The following CALCRL variants were observed in gnomAD, a reference collection of about 807,000 sequenced individuals.
CALCRL encodes the protein calcitonin receptor like receptor, also known as calcitonin gene-related peptide type 1 receptor.
In CALCRL, 27 loss-of-function variants were observed where a neutral mutation model predicts 60.4. The ratio of observed to expected loss-of-function variants is 0.45; its 90% CI spans 0.33 to 0.62. The LOEUF (loss-of-function observed/expected upper bound fraction) is 0.62, where lower values mean the gene tolerates loss of function less well. Among genes scored for constraint, CALCRL ranks in the 20% least tolerant of loss-of-function variants. The pLI is 0.03. For missense variants in CALCRL, 424 were observed against 540.7 expected, an observed-to-expected ratio of 0.78 and a Z score of 2.14; for synonymous variants, 190 against 182.6, an observed-to-expected ratio of 1.04 and a Z score of -0.33.
rs1026052599 is a variant in CALCRL at position 187,420,004 on chromosome 2, C to T, written c.-293+28035G>A. Among the ~76,000 whole-genome samples, 6 of 152,238 alleles carry T rather than the reference C, an allele frequency of 3.9e-5. 1 individual carries two copies. The South Asian group carries it at 1.2e-3, about 32-fold the overall frequency. Reference sequence around the variant, plus strand: ...CTGTTTGCCCTACTAATAATTCAACCCCTAGTTGCTATTGTCACATTGAAC... The same window carrying T: ...CTGTTTGCCCTACTAATAATTCAACTCCTAGTTGCTATTGTCACATTGAAC... On this transcript the variant is annotated intron_variant, in intron 1 of 14. Transcript: ENST00000392370.
chr2:187,412,955 C>T lies in CALCRL; in HGVS notation c.-292-25199G>A, dbSNP rs117503722. Among the ~76,000 whole-genome samples, 85 of 152,264 alleles carry T rather than the reference C, an allele frequency of 5.6e-4. No individual in the cohort carries two copies. The East Asian group carries it at 0.016, about 28-fold the overall frequency. On this transcript the variant is annotated intron_variant, in intron 1 of 14. Coordinates refer to ENST00000392370, the MANE Select transcript of CALCRL (RefSeq NM_005795.6). Reference sequence around the variant, plus strand: ...GTTGATTGTTTTCTCTCAACTAGTACTATTAGAGTTGCTATGGATCATAAA... The same window carrying T: ...GTTGATTGTTTTCTCTCAACTAGTATTATTAGAGTTGCTATGGATCATAAA...
At chr2:187,357,405 A>G (rs1686842720) in intron 12 of CALCRL, among the ~76,000 whole-genome samples, 1 of 151,300 alleles carries the variant, frequency 6.6e-6, no homozygotes, top group African/African-American at 2.4e-5. Flanking sequence ...ACACAGGAAC[A>G]GAAAACCAAT....
chr2:187,391,095 C>T (rs1688422278), intron 1 of CALCRL, among the ~76,000 whole-genome samples: 1 of 152,116 alleles, frequency 6.6e-6, no homozygotes, highest in Non-Finnish European at 1.5e-5. Flanking sequence ...TGAAAGTCAA[C>T]TTAGATAGAC....
At chr2:187,404,992 C>A (rs1026737928) in intron 1 of CALCRL, among the ~76,000 whole-genome samples, 2 of 151,944 alleles carry the variant, frequency 1.3e-5, no homozygotes, top group African/African-American at 4.8e-5. Context: ...GTTTGGATAC[C>A]AGCTGTGGAA....
At chr2:187,383,331 T>A in intron 4 of CALCRL, 26 bp from the exon 5 acceptor site, 1 of 1,567,980 alleles carries the variant, frequency 6.4e-7, no homozygotes, top group Non-Finnish European at 8.6e-7. Context: ...AACAACAACA[T>A]CAACTTCATG....
chr2:187,389,921 C>T (rs981583120), intron 1 of CALCRL, among the ~76,000 whole-genome samples: 1 of 152,048 alleles, frequency 6.6e-6, no homozygotes, highest in African/African-American at 2.4e-5. Flanking sequence ...TCCTTTGTGA[C>T]TGACAGTTAA....
intron 7 of CALCRL, among the ~76,000 whole-genome samples, 193 bp downstream of exon 7, chr2:187,380,274 T>G (rs1005966686): frequency 2.0e-5 from 3 of 152,232 alleles, no homozygotes; most frequent in African/African-American, 7.2e-5. Flanking sequence ...GGATTGCTTT[T>G]TCAGTGTAAT....
chr2:187,371,658 C>A (rs914711692), intron 8 of CALCRL, among the ~76,000 whole-genome samples: 2 of 151,480 alleles, frequency 1.3e-5, no homozygotes, highest in African/African-American at 4.9e-5. Context: ...ATCGCTTGAA[C>A]CCGGGAAGCA....
rs113483775 is a variant in CALCRL, at chr2:187,416,821, T to A, written c.-292-29065A>T. On this transcript the variant is annotated intron_variant, in intron 1 of 14. Coordinates refer to ENST00000392370, the MANE Select transcript of CALCRL (RefSeq NM_005795.6). ...AAAAATGTGGCAAGTTGCAAAGGGC[T>A]GTTTCTTATGTTCATCAATAAAGAC... is the stretch of plus-strand genomic sequence containing the variant. Among the ~76,000 whole-genome samples the A allele has an allele frequency of 3.6e-3, 548 of 152,252 alleles. 5 individuals carry two copies. Among genetic ancestry groups the A allele is most frequent in the African/African-American group, 0.013 (524 of 41,576 alleles).
At chr2:187,419,106 C>A (rs551975036) in intron 1 of CALCRL, among the ~76,000 whole-genome samples, 12 of 148,566 alleles carry the variant, frequency 8.1e-5, no homozygotes, top group Non-Finnish European at 1.5e-4. Context: ...ATCTCCTGAC[C>A]TCATGATCCA....
intron 1 of CALCRL, among the ~76,000 whole-genome samples, chr2:187,416,077 T>C (rs1471359725): frequency 6.6e-6 from 1 of 152,304 alleles, no homozygotes; most frequent in African/African-American, 2.4e-5. Context: ...TAAAGTATTA[T>C]TGAAAAATGC....
intron 8 of CALCRL, among the ~76,000 whole-genome samples, chr2:187,366,679 G>A (rs1345897330): frequency 6.6e-6 from 1 of 151,986 alleles, no homozygotes; most frequent in East Asian, 1.9e-4. Context: ...TTGGAAGGGA[G>A]TAAAATAAAA....
At chr2:187,447,988 A>G (rs1691272012) in intron 1 of CALCRL, 51 bp downstream of exon 1, 1 of 152,118 alleles carries the variant, frequency 6.6e-6, no homozygotes, top group Non-Finnish European at 1.5e-5. Flanking sequence ...TTGCCAAACT[A>G]TATGAGAATA....
At chr2:187,432,879 G>A (rs1690460673) in intron 1 of CALCRL, among the ~76,000 whole-genome samples, 2 of 151,990 alleles carry the variant, frequency 1.3e-5, no homozygotes, top group Non-Finnish European at 2.9e-5. Flanking sequence ...AGACTTACGA[G>A]TGTGTTACAG....
intron 1 of CALCRL, among the ~76,000 whole-genome samples, chr2:187,421,544 T>C (rs1024433766): frequency 6.6e-6 from 1 of 152,136 alleles, no homozygotes; most frequent in Non-Finnish European, 1.5e-5. Flanking sequence ...TGGAATGCCT[T>C]TACTCTTGCT....
chr2:187,405,425 A>G (rs1305928676), intron 1 of CALCRL, among the ~76,000 whole-genome samples: 1 of 152,030 alleles, frequency 6.6e-6, no homozygotes, highest in African/African-American at 2.4e-5. Flanking sequence ...CTCTGTATGC[A>G]TAACACTCTG....
intron 14 of CALCRL, among the ~76,000 whole-genome samples, chr2:187,349,457 C>T (rs2105689510): frequency 6.6e-6 from 1 of 151,628 alleles, no homozygotes; most frequent in East Asian, 1.9e-4. Context: ...ATAGTTGGAA[C>T]AAAATGAATT....
intron 1 of CALCRL, among the ~76,000 whole-genome samples, chr2:187,436,220 CCAAAATACAGAAAAGAGAACACTATGT>C (rs1242640364): frequency 2.0e-5 from 3 of 152,066 alleles, no homozygotes; most frequent in African/African-American, 7.2e-5. Flanking sequence ...CATACAACAT[CCAAAATACAGAAAAGAGAACACTATGT>C]CAGGGCACAC....
intron 12 of CALCRL, among the ~76,000 whole-genome samples, chr2:187,358,510 T>C (rs902033884): frequency 1.4e-4 from 21 of 151,162 alleles, no homozygotes; most frequent in Admixed American, 5.3e-4. Flanking sequence ...TTTTCTTATT[T>C]GTCACCTCCC....
Sources: allele counts gnomAD v4.1 joint callset (sites outside exome capture counted in the v4.1 genomes callset), GRCh38; gene constraint gnomAD v4.1.1; transcripts MANE v1.5; gene names NCBI Gene and HGNC (gene_info 2026-07-23, HGNC 2026-07-21).